Variants in PVT1 observed in about 807,000 individuals in gnomAD.
PVT1 encodes Pvt1 oncogene.
intron 3 of PVT1, among the ~76,000 whole-genome samples, chr8:127,959,761 AACAAACCGGTTAGG>A (rs1816616649): frequency 6.6e-6 from 1 of 152,138 alleles, no homozygotes; most frequent in Non-Finnish European, 1.5e-5. Flanking sequence ...AGAGGCTGAG[AACAAACCGGTTAGG>A]AAATGGCAGA....
intron 4 of PVT1, among the ~76,000 whole-genome samples, chr8:128,028,813 C>T (rs559712650): frequency 3.9e-5 from 6 of 152,060 alleles, no homozygotes; most frequent in Non-Finnish European, 7.4e-5. Context: ...AAAGAGGGGT[C>T]TCCTGTTCCT....
At chr8:127,940,568 A>T (rs1816335395) in intron 3 of PVT1, 2 of 149,198 alleles carry the variant, frequency 1.3e-5, no homozygotes, top group African/African-American at 5.0e-5. Flanking sequence ...TATATAACAT[A>T]ATATATTAAT....
chr8:127,970,289 G>GTATTTTTTTTTTTTT (rs1816748761), intron 3 of PVT1, among the ~76,000 whole-genome samples: 1 of 49,116 alleles, frequency 2.0e-5, no homozygotes, highest in Non-Finnish European at 3.6e-5. Flanking sequence ...GCCATGATTT[G>GTATTTTTTTTTTTTT]TTTTTTTTTT....
chr8:127,809,907 C>T (rs1814573468), intron 2 of PVT1, among the ~76,000 whole-genome samples: 1 of 152,222 alleles, frequency 6.6e-6, no homozygotes, highest in Admixed American at 6.5e-5. Flanking sequence ...CCATGTGGTA[C>T]ATTGCTTTTC....
intron 4 of PVT1, among the ~76,000 whole-genome samples, chr8:127,995,575 T>C (rs2130006342): frequency 6.6e-6 from 1 of 152,340 alleles, no homozygotes; most frequent in East Asian, 1.9e-4. Context: ...TATAATAGAT[T>C]CTATTAAGCA....
intron 4 of PVT1, among the ~76,000 whole-genome samples, chr8:128,049,861 A>G (rs1326637773): frequency 6.6e-6 from 1 of 152,134 alleles, no homozygotes; most frequent in Non-Finnish European, 1.5e-5. Context: ...CATCTATAGT[A>G]ACGCTTTTGC....
intron 2 of PVT1, among the ~76,000 whole-genome samples, chr8:127,889,439 T>C (rs866424278): frequency 2.0e-5 from 3 of 147,228 alleles, no homozygotes; most frequent in South Asian, 2.2e-4. Flanking sequence ...CTCAAACCCT[T>C]TTCCTGTGAT....
At chr8:128,019,777 C>T (rs766379772) in intron 4 of PVT1, among the ~76,000 whole-genome samples, 1 of 152,116 alleles carries the variant, frequency 6.6e-6, no homozygotes, top group Non-Finnish European at 1.5e-5. Context: ...AGAATCGGCC[C>T]CCCAGGAGAC....
At chr8:128,055,280 C>T (rs934534670) in intron 4 of PVT1, among the ~76,000 whole-genome samples, 17 of 152,192 alleles carry the variant, frequency 1.1e-4, no homozygotes, top group African/African-American at 3.6e-4. Context: ...TTTTAAAAAC[C>T]TTGGACATCA....
At chr8:127,901,745 A>G (rs1360673475) in intron 3 of PVT1, among the ~76,000 whole-genome samples, 1 of 150,288 alleles carries the variant, frequency 6.7e-6, no homozygotes, top group Non-Finnish European at 1.5e-5. Context: ...CAGTTTGAGA[A>G]GAGTTTTTTT....
chr8:127,817,644 G>A (rs1160093993), intron 2 of PVT1, among the ~76,000 whole-genome samples: 1 of 148,446 alleles, frequency 6.7e-6, no homozygotes. Context: ...CACTTTGGGA[G>A]GCTGAGGCAG....
intron 4 of PVT1, among the ~76,000 whole-genome samples, chr8:128,025,474 T>C (rs1463957232): frequency 1.3e-5 from 2 of 152,034 alleles, no homozygotes; most frequent in Non-Finnish European, 2.9e-5. Flanking sequence ...CCTTCAGCCC[T>C]CAGGGGAGAG....
intron 2 of PVT1, among the ~76,000 whole-genome samples, chr8:127,812,211 AAAGGCAGG>A (rs1254594393): frequency 1.2e-4 from 16 of 128,970 alleles, no homozygotes; most frequent in East Asian, 2.4e-4. Flanking sequence ...AGGAAGGAGG[AAAGGCAGG>A]AAGGCAGGAA....
chr8:127,953,124 A>G (rs1192197207), intron 3 of PVT1, among the ~76,000 whole-genome samples: 3 of 152,150 alleles, frequency 2.0e-5, no homozygotes, highest in East Asian at 1.9e-4. Context: ...TCCTTCCTCA[A>G]TGGGAGAACA....
At chr8:127,818,456 G>A (rs976785334) in intron 2 of PVT1, among the ~76,000 whole-genome samples, 5 of 152,158 alleles carry the variant, frequency 3.3e-5, no homozygotes, top group African/African-American at 1.2e-4. Context: ...TCTCTTCCAG[G>A]AGAGGGACCC....
intron 4 of PVT1, among the ~76,000 whole-genome samples, chr8:128,049,567 G>A (rs1285663152): frequency 6.6e-6 from 1 of 152,194 alleles, no homozygotes; most frequent in Non-Finnish European, 1.5e-5. Flanking sequence ...GCTCTTCTCT[G>A]CCTTGTTTTG....
At position 127,825,690 on chromosome 8, in the gene PVT1, G is replaced by A. The variant is rs374973297; in HGVS notation, n.372+29619G>A. Among the ~76,000 whole-genome samples the A allele has an allele frequency of 1.8e-4, 27 of 152,194 alleles. 1 individual carries two copies. The South Asian group carries it at 4.8e-3, about 27-fold the overall frequency. ...TGCAAAACCAAAGGGCTTAGGTTCT[G>A]CATCTGACATATGTGGCTAGCTGTA... is the stretch of plus-strand genomic sequence containing the variant. On this transcript the variant is annotated intron_variant and non_coding_transcript_variant, in intron 2 of 10. Coordinates refer to ENST00000651587, the Ensembl canonical transcript of PVT1.
In PVT1 at chr8:127,881,930, T is replaced by C. The variant is rs183124884; in HGVS notation, n.373-8659T>C. Among the ~76,000 whole-genome samples, 26 of 152,258 alleles carry C rather than the reference T, an allele frequency of 1.7e-4. No homozygotes were observed. In the East Asian group the frequency reaches 4.4e-3, roughly 26 times the overall value. On this transcript the variant is annotated intron_variant and non_coding_transcript_variant, in intron 2 of 10. Coordinates refer to ENST00000651587, the Ensembl canonical transcript of PVT1. ...AATTTTTGTATTTTTTGTAGAGATATGGTTTCACCATGTTGTCCAGGCTGG... is the reference window on the plus strand; with the variant it reads ...AATTTTTGTATTTTTTGTAGAGATACGGTTTCACCATGTTGTCCAGGCTGG...
intron 2 of PVT1, among the ~76,000 whole-genome samples, chr8:127,806,832 T>A (rs1814534643): frequency 6.6e-6 from 1 of 152,228 alleles, no homozygotes; most frequent in African/African-American, 2.4e-5. Flanking sequence ...TCACCTGGCA[T>A]AATGCATTCG....
Sources: allele counts gnomAD v4.1 joint callset (sites outside exome capture counted in the v4.1 genomes callset), GRCh38; gene constraint gnomAD v4.1.1; transcripts MANE v1.5; gene names NCBI Gene and HGNC (gene_info 2026-07-23, HGNC 2026-07-21).